The following IFT57 variants were observed in gnomAD, a reference collection of about 807,000 sequenced individuals.
The protein encoded by IFT57 is intraflagellar transport 57.
In IFT57, 59 loss-of-function variants were observed where a neutral mutation model predicts 56.8. That is an observed-to-expected ratio of 1.04 (90% CI 0.84 to 1.29). IFT57 has a LOEUF of 1.29. Among genes scored for constraint, IFT57 ranks in the 50% most tolerant of loss-of-function variants. The pLI, the probability that IFT57 is intolerant of heterozygous loss-of-function variation, is 0.00. For synonymous variants in IFT57, 209 were observed against 186.1 expected (o/e 1.12, Z -1.00); for missense variants, 470 against 522.1 (o/e 0.90, Z 0.97).
intron 5 of IFT57, among the ~76,000 whole-genome samples, chr3:108,195,743 T>C (rs892592681): frequency 2.0e-5 from 3 of 152,178 alleles, no homozygotes; most frequent in Admixed American, 2.0e-4. Flanking sequence ...TCACATGTTC[T>C]CACTCATATG....
At chr3:108,179,394 A>G (rs1428791167) in intron 6 of IFT57, among the ~76,000 whole-genome samples, 2 of 152,004 alleles carry the variant, frequency 1.3e-5, no homozygotes, top group African/African-American at 4.8e-5. Flanking sequence ...GGAGGTGCAC[A>G]TATCTAAGTT....
Position 108,222,119 on chromosome 3 carries a change from G to A in IFT57, c.204C>T (p.Ala68=). Residue 68 remains alanine, a synonymous_variant, in exon 1 of 11, where the codon GCC becomes GCT. Coordinates refer to ENST00000264538, the MANE Select transcript of IFT57 (RefSeq NM_018010.4). ...EEFLRKSNLK[A]PSRHYFALPT... ...GGGACGCCGGCACCCACCTGGACGG[G>A]GCCTTCAGGTTGCTCTTCCGGAGGA... is the stretch of plus-strand genomic sequence containing the variant. 6.2e-7 allele frequency: 1 copy of A among 1,602,854 alleles called. No homozygotes were observed. Among genetic ancestry groups the A allele is most frequent in the Non-Finnish European group, 8.5e-7 (1 of 1,174,888 alleles).
At chr3:108,182,065 C>T (rs571590590) in intron 6 of IFT57, among the ~76,000 whole-genome samples, 1 of 152,134 alleles carries the variant, frequency 6.6e-6, no homozygotes, top group South Asian at 2.1e-4. Flanking sequence ...ATGCAAGGAT[C>T]CTATCAATAT....
chr3:108,211,518 A>G (rs1476479271), intron 4 of IFT57, among the ~76,000 whole-genome samples: 3 of 152,204 alleles, frequency 2.0e-5, no homozygotes, highest in African/African-American at 7.2e-5. Flanking sequence ...TGATCATGCT[A>G]AGTTTCTTTC....
intron 4 of IFT57, 172 bp downstream of exon 4, chr3:108,213,759 T>C (rs986078197): frequency 3.8e-6 from 2 of 524,382 alleles, no homozygotes; most frequent in Non-Finnish European, 6.8e-6. Flanking sequence ...AATACAAACA[T>C]TAACTTAACC....
At chr3:108,213,718 T>G (rs2080355423) in intron 4 of IFT57, 1 of 468,588 alleles carries the variant, frequency 2.1e-6, no homozygotes, top group Non-Finnish European at 3.8e-6. Context: ...TTCAAGAACC[T>G]CTGCTAAAAT....
intron 9 of IFT57, among the ~76,000 whole-genome samples, chr3:108,164,195 A>AT (rs1311942613): frequency 1.3e-5 from 2 of 152,026 alleles, no homozygotes; most frequent in African/African-American, 4.8e-5. Context: ...GGACACTAAA[A>AT]AATGTTTATA....
chr3:108,174,005 T>C (rs955485744), intron 6 of IFT57, among the ~76,000 whole-genome samples: 5 of 143,250 alleles, frequency 3.5e-5, no homozygotes, highest in African/African-American at 1.4e-4. Context: ...TGAGTGTGTG[T>C]GTGTGTGTGT....
intron 6 of IFT57, among the ~76,000 whole-genome samples, chr3:108,171,614 C>T (rs1037483527): frequency 2.6e-5 from 4 of 151,738 alleles, no homozygotes; most frequent in South Asian, 2.1e-4. Context: ...ACAGAGTTGA[C>T]AACGGAACAA....
At chr3:108,206,238 T>A (rs927226225) in intron 5 of IFT57, among the ~76,000 whole-genome samples, 11 of 150,390 alleles carry the variant, frequency 7.3e-5, no homozygotes, top group African/African-American at 2.7e-4. Context: ...CTACCAGTCT[T>A]AATCCATTTT....
At chr3:108,179,562 G>A (rs1435777740) in intron 6 of IFT57, among the ~76,000 whole-genome samples, 1 of 151,980 alleles carries the variant, frequency 6.6e-6, no homozygotes, top group Non-Finnish European at 1.5e-5. Flanking sequence ...AAGCAGATTT[G>A]CAATCTCTTC....
chr3:108,212,736 T>C (rs1200098868), intron 4 of IFT57, among the ~76,000 whole-genome samples: 3 of 152,104 alleles, frequency 2.0e-5, no homozygotes, highest in Non-Finnish European at 4.4e-5. Flanking sequence ...ATGCATATAC[T>C]AACTTAAATA....
intron 4 of IFT57, among the ~76,000 whole-genome samples, chr3:108,207,800 T>C (rs1047482539): frequency 1.3e-5 from 2 of 151,978 alleles, no homozygotes; most frequent in African/African-American, 4.8e-5. Context: ...TCCCAGCACT[T>C]TGGGAGGCCG....
chr3:108,221,851 G>GA (rs564358473), intron 1 of IFT57, among the ~76,000 whole-genome samples: 4 of 152,004 alleles, frequency 2.6e-5, no homozygotes, highest in East Asian at 1.9e-4. Context: ...GTGTGTGTTG[G>GA]AAAAAAACAG....
rs570797675 is a variant in IFT57, at chr3:108,206,604, C to T, written c.654+24G>A. 8 of 1,140,708 alleles carry T rather than the reference C, an allele frequency of 7.0e-6. No individual in the cohort carries two copies. The South Asian group carries it at 1.0e-4, about 15-fold the overall frequency. 70.7% of individuals were successfully genotyped at this position (1,140,708 alleles called of 1,614,324 possible). A position where few individuals can be genotyped will look rare whatever the true frequency, so the allele number is the denominator to read the frequency against. On this transcript the variant is annotated intron_variant, in intron 5 of 10. Coordinates refer to ENST00000264538, the MANE Select transcript of IFT57 (RefSeq NM_018010.4). Reference sequence around the variant, plus strand: ...CATGTACATTGATTGCTTGTTGGTCCTGCATGTATCTGATGAAACTTACCA... The same window carrying T: ...CATGTACATTGATTGCTTGTTGGTCTTGCATGTATCTGATGAAACTTACCA...
At chr3:108,192,986 TAAC>T (rs2080224537) in intron 5 of IFT57, among the ~76,000 whole-genome samples, 1 of 152,202 alleles carries the variant, frequency 6.6e-6, no homozygotes. Context: ...GACAAAATGT[TAAC>T]AACTGTTGAA....
chr3:108,192,719 T>C (rs1289138552), intron 5 of IFT57, among the ~76,000 whole-genome samples: 1 of 152,048 alleles, frequency 6.6e-6, no homozygotes, highest in Non-Finnish European at 1.5e-5. Flanking sequence ...GAACCTTATA[T>C]GAATTCTAAT....
At chr3:108,205,828 A>C in intron 5 of IFT57, among the ~76,000 whole-genome samples, 1 of 123,094 alleles carries the variant, frequency 8.1e-6, no homozygotes, top group Middle Eastern at 4.5e-3. Context: ...TATATTATTT[A>C]TATATTATTT....
At chr3:108,206,734 T>C (rs1434594486) in intron 4 of IFT57, 38 bp from the exon 5 acceptor site, 2 of 697,214 alleles carry the variant, frequency 2.9e-6, no homozygotes, top group Non-Finnish European at 4.1e-6. Context: ...TTAAAAATTA[T>C]AATTAAAAAA....
Sources: allele counts gnomAD v4.1 joint callset (sites outside exome capture counted in the v4.1 genomes callset), GRCh38; gene constraint gnomAD v4.1.1; transcripts MANE v1.5; gene names NCBI Gene and HGNC (gene_info 2026-07-23, HGNC 2026-07-21).